Variants in CR1 observed in about 807,000 individuals in gnomAD.
CR1 encodes complement receptor type 1.
CR1 carries 116 observed loss-of-function variants against 187.3 expected under a neutral mutation model. The observed-to-expected ratio is 0.62, with a 90% CI of 0.53 to 0.72. CR1 has a LOEUF of 0.72. CR1 is among the 30% of genes least tolerant of loss of function. CR1 has a pLI of 0.00. For synonymous variants in CR1, 576 were observed against 747.1 expected, an observed-to-expected ratio of 0.77 and a Z score of 3.73; for missense variants, 1,731 against 2,110.7, an observed-to-expected ratio of 0.82 and a Z score of 3.52.
At position 207,587,515 on chromosome 1, in the gene CR1, T is replaced by G. The variant is rs1334108927; in HGVS notation, c.5660T>G (p.Ile1887Ser). ...GGGTATTTTGGGAAAATGTTCTCTA[T>G]CTCCTGCCTAGAAAACTTGGTCTGG... Reference protein sequence around the residue: ...RPGYFGKMFSISCLENLVWSS... With the variant: ...RPGYFGKMFSSSCLENLVWSS... The change falls in exon 34 of 47, where the codon ATC becomes AGC. Residue 1887 changes from isoleucine to serine, a missense_variant. Physicochemically the swap from Ile to Ser is moderately radical, Grantham distance 142 (BLOSUM62 -2). Transcript: ENST00000367049. The G allele has an allele frequency of 6.2e-7, 1 of 1,613,878 alleles. No homozygotes were observed. The highest frequency in any genetic ancestry group is 8.5e-7 in the Non-Finnish European group (1 of 1,179,858).
At chr1:207,622,634 A>G (rs1355420849) in intron 44 of CR1, among the ~76,000 whole-genome samples, 1 of 152,194 alleles carries the variant, frequency 6.6e-6, no homozygotes, top group Non-Finnish European at 1.5e-5. Context: ...GTAATTCAAC[A>G]AGAGAGAGAA....
chr1:207,610,285 T>C (rs1351703046), intron 37 of CR1, among the ~76,000 whole-genome samples: 10 of 152,180 alleles, frequency 6.6e-5, no homozygotes, highest in Admixed American at 5.2e-4. Context: ...TTATATATTG[T>C]TCAGATTGAG....
rs756221326 is a variant in CR1 at position 207,582,004 on chromosome 1, G to A, written c.5302+1G>A. 1.1e-5 allele frequency: 17 copies of A among 1,600,848 alleles called. No homozygotes were observed. The highest frequency in any genetic ancestry group is 9.4e-5 in the African/African-American group (7 of 74,578). On this transcript the variant is annotated splice_donor_variant, in intron 32 of 46. Coordinates refer to ENST00000367049, the MANE Select transcript of CR1 (RefSeq NM_000651.6). LOFTEE classifies it high-confidence loss of function. ...AATAACAGTGTTCCTGTGTGTGAAC[G>A]TGAGTAGATGGAATACTTGTTCAGT...
intron 32 of CR1, among the ~76,000 whole-genome samples, chr1:207,583,245 A>G (rs1661015335): frequency 6.6e-6 from 1 of 152,250 alleles, no homozygotes; most frequent in South Asian, 2.1e-4. Flanking sequence ...AGACTAATCA[A>G]CTGTGTCAAA....
rs573174923 is a variant in CR1, at chr1:207,601,816, A to T, written c.5811-5435A>T. On this transcript the variant is annotated intron_variant, in intron 35 of 46. Coordinates refer to ENST00000367049, the MANE Select transcript of CR1 (RefSeq NM_000651.6). ...GTCCTTTATATGTTCTAAGTATTAA[A>T]TCCTTATCAGATAGGGTTTTCACAT... is the stretch of plus-strand genomic sequence containing the variant. Among the ~76,000 whole-genome samples, 11 of 150,834 alleles carry T rather than the reference A, an allele frequency of 7.3e-5. No individual in the cohort carries two copies. The South Asian group carries it at 2.3e-3, about 32-fold the overall frequency.
intron 43 of CR1, among the ~76,000 whole-genome samples, chr1:207,621,218 T>A (rs987453324): frequency 1.3e-5 from 2 of 151,174 alleles, no homozygotes; most frequent in Non-Finnish European, 3.0e-5. Context: ...GAGGTTACAG[T>A]GAGCCGAGAT....
At chr1:207,607,802 C>T (rs1403601579) in intron 36 of CR1, among the ~76,000 whole-genome samples, 1 of 152,136 alleles carries the variant, frequency 6.6e-6, no homozygotes, top group Non-Finnish European at 1.5e-5. Context: ...TTCTTTTAGG[C>T]CCATGTCTTC....
chr1:207,564,586 A>C (rs1261233112), intron 23 of CR1, among the ~76,000 whole-genome samples: 1 of 150,136 alleles, frequency 6.7e-6, no homozygotes, highest in Non-Finnish European at 1.5e-5. Flanking sequence ...AGATCACCTG[A>C]GGTCAGGAGT....
At chr1:207,497,795 C>CA (rs149480065) in intron 1 of CR1, among the ~76,000 whole-genome samples, 2,333 of 148,826 alleles carry the variant, frequency 0.016, 52 homozygotes, top group African/African-American at 0.047. Context: ...CTATTAATTG[C>CA]AAAAAAAAAA....
intron 27 of CR1, among the ~76,000 whole-genome samples, chr1:207,575,124 A>C (rs1016617851): frequency 8.5e-5 from 13 of 152,124 alleles, no homozygotes; most frequent in African/African-American, 3.1e-4. Context: ...TTGAAAAACA[A>C]AGTCTCTTAG....
intron 35 of CR1, among the ~76,000 whole-genome samples, chr1:207,592,008 C>T (rs1266151516): frequency 2.0e-5 from 3 of 152,142 alleles, no homozygotes; most frequent in African/African-American, 7.2e-5. Flanking sequence ...CTGAATCCTA[C>T]CAGAGGTACA....
intron 35 of CR1, among the ~76,000 whole-genome samples, chr1:207,606,291 A>G (rs1055469421): frequency 6.6e-6 from 1 of 152,226 alleles, no homozygotes; most frequent in Non-Finnish European, 1.5e-5. Flanking sequence ...AGAAGTTAGT[A>G]ACATGGCTAT....
chr1:207,618,146 C>A lies in CR1; in HGVS notation c.6965C>A (p.Thr2322Lys). The A allele has an allele frequency of 4.3e-6, 7 of 1,613,918 alleles. No homozygotes were observed. Among genetic ancestry groups the A allele is most frequent in the Non-Finnish European group, 5.1e-6 (6 of 1,179,848 alleles). Residue 2322 changes from threonine to lysine, a missense_variant, in exon 42 of 47, where the codon ACA becomes AAA. Around this residue, in one of 5 missense-constraint regions of CR1, gnomAD observed 1,312 missense variants for 1,379.6 expected, o/e 0.95. Coordinates refer to ENST00000367049, the MANE Select transcript of CR1 (RefSeq NM_000651.6). ...GHVSLYLPGM[T>K]ISYICDPGYL... is the part of the protein sequence containing the mutation. ...GTATCTCTATATCTTCCTGGGATGA[C>A]AATCAGCTACATTTGTGACCCCGGC...
In CR1 at chr1:207,622,771, T is replaced by C. The variant is rs1439841784; in HGVS notation, c.7277-222T>C. 3.3e-5 allele frequency among the ~76,000 whole-genome samples: 5 copies of C among 152,164 alleles called. No individual in the cohort carries two copies. In the East Asian group the frequency reaches 9.6e-4, roughly 29 times the overall value. On this transcript the variant is annotated intron_variant, in intron 44 of 46. Coordinates refer to ENST00000367049, the MANE Select transcript of CR1 (RefSeq NM_000651.6). ...CACTTACTTTTGGAAAAGCTGACAT[T>C]GGACTAAACGTTACAAAACGGCTCA... is the stretch of plus-strand genomic sequence containing the variant.
chr1:207,517,274 G>C (rs112216625), intron 4 of CR1, among the ~76,000 whole-genome samples: 8 of 152,074 alleles, frequency 5.3e-5, no homozygotes, highest in African/African-American at 1.9e-4. Context: ...TATGTATGGG[G>C]GATATGCGTG....
intron 3 of CR1, among the ~76,000 whole-genome samples, chr1:207,509,977 G>A (rs1659563041): frequency 6.6e-6 from 1 of 152,182 alleles, no homozygotes; most frequent in Non-Finnish European, 1.5e-5. Context: ...GGAGGCTGAG[G>A]TGGGTGGATT....
chr1:207,513,196 A>G lies in CR1; in HGVS notation c.487+1542A>G, dbSNP rs1659676233. On this transcript the variant is annotated intron_variant, in intron 4 of 46. Coordinates refer to ENST00000367049, the MANE Select transcript of CR1 (RefSeq NM_000651.6). ...AGACTCCATGATCAATTAGCCCAAT[A>G]ACAATGTCCTCTTCAATCAAATCAT... Among the ~76,000 whole-genome samples, 3 of 152,328 alleles carry G rather than the reference A, an allele frequency of 2.0e-5. No homozygotes were observed. The South Asian group carries it at 6.2e-4, about 32-fold the overall frequency.
At chr1:207,604,014 A>G (rs1046219748) in intron 35 of CR1, among the ~76,000 whole-genome samples, 6 of 152,186 alleles carry the variant, frequency 3.9e-5, no homozygotes, top group South Asian at 2.1e-4. Context: ...CTAAACTTTG[A>G]CCATGACCTA....
rs187655279 is a variant in CR1, at chr1:207,506,819, T to C, written c.401+6T>C. 1.9e-5 allele frequency: 31 copies of C among 1,606,080 alleles called. No homozygotes were observed. The highest frequency in any genetic ancestry group is 1.7e-4 in the Middle Eastern group (1 of 6,044). Reference sequence around the variant, plus strand: ...AAATATTCTTGTACTAAAGGGTGAGTTGGCATCTCTTGAACCAACATCTCT... The same window carrying C: ...AAATATTCTTGTACTAAAGGGTGAGCTGGCATCTCTTGAACCAACATCTCT... On this transcript the variant is annotated splice_donor_region_variant and intron_variant, in intron 3 of 46. Coordinates refer to ENST00000367049, the MANE Select transcript of CR1 (RefSeq NM_000651.6).
Sources: allele counts gnomAD v4.1 joint callset (sites outside exome capture counted in the v4.1 genomes callset), GRCh38; gene constraint gnomAD v4.1.1; regional missense constraint gnomAD v4.1.1; transcripts MANE v1.5; gene names NCBI Gene and HGNC (gene_info 2026-07-23, HGNC 2026-07-21).